The following MAP3K9 variants were observed in gnomAD, a reference collection of about 807,000 sequenced individuals.
MAP3K9 encodes the protein mitogen-activated protein kinase kinase kinase 9.
A neutral mutation model predicts 95.8 loss-of-function variants in MAP3K9; 46 were observed. The ratio of observed to expected loss-of-function variants is 0.48; its 90% CI spans 0.38 to 0.61. The LOEUF is 0.61. MAP3K9 is among the 20% of genes least tolerant of loss of function. The probability of loss-of-function intolerance (pLI) is 0.00; values close to 1 mark genes in which losing one functional copy is unlikely to be tolerated. For synonymous variants in MAP3K9, 533 were observed against 593.8 expected (o/e 0.90, Z 1.49); for missense variants, 1,296 against 1,474.3 (o/e 0.88, Z 1.98).
intron 2 of MAP3K9, among the ~76,000 whole-genome samples, chr14:70,798,338 C>CT (rs1256715054): frequency 4.6e-5 from 7 of 151,928 alleles, no homozygotes; most frequent in Non-Finnish European, 7.4e-5. Context: ...CTTTACAGTA[C>CT]TTTGCCTACT....
intron 2 of MAP3K9, among the ~76,000 whole-genome samples, chr14:70,765,741 A>C (rs1253773691): frequency 2.5e-4 from 14 of 56,942 alleles, no homozygotes; most frequent in African/African-American, 5.9e-4. Context: ...CAGCTAAAAA[A>C]AAAAAAAAAC....
In MAP3K9 at chr14:70,723,223, TGA is replaced by T. The variant is rs1262766841; in HGVS notation, c.*7155_*7156del. On this transcript the variant is annotated 3_prime_UTR_variant, in exon 12 of 12. Transcript: ENST00000554752. ...AATAAGGCTTCCAAGCTCAAGAGAC[TGA>T]GAGAAAAGTGAGGAGAAGCTGGAAT... 6.6e-6 allele frequency: 1 copy of T among 152,074 alleles called. No individual in the cohort carries two copies. The highest frequency in any genetic ancestry group is 1.5e-5 in the Non-Finnish European group (1 of 68,090). 9.4% of individuals were successfully genotyped at this position (152,074 alleles called of 1,614,324 possible).
intron 3 of MAP3K9, among the ~76,000 whole-genome samples, chr14:70,757,944 A>T (rs969671142): frequency 2.0e-5 from 3 of 152,198 alleles, no homozygotes; most frequent in African/African-American, 4.8e-5. Flanking sequence ...AAGATTATAA[A>T]ACTCTTAGAA....
intron 2 of MAP3K9, among the ~76,000 whole-genome samples, chr14:70,761,758 T>C (rs960083998): frequency 6.6e-6 from 1 of 152,224 alleles, no homozygotes. Flanking sequence ...ACCTTTTTTT[T>C]GGGCTGAAAT....
At chr14:70,791,031 C>T (rs1019674387) in intron 2 of MAP3K9, among the ~76,000 whole-genome samples, 1 of 152,130 alleles carries the variant, frequency 6.6e-6, no homozygotes, top group African/African-American at 2.4e-5. Flanking sequence ...ACAGACCACC[C>T]GCAAACTGTG....
intron 8 of MAP3K9, 83 bp downstream of exon 8, chr14:70,738,162 G>A (rs571510238): frequency 6.4e-6 from 9 of 1,398,856 alleles, no homozygotes; most frequent in East Asian, 2.5e-5. Flanking sequence ...ACACGACAGA[G>A]AAAAAAAGTT....
chr14:70,766,429 A>G (rs566284597), intron 2 of MAP3K9, among the ~76,000 whole-genome samples: 2 of 152,354 alleles, frequency 1.3e-5, no homozygotes, highest in East Asian at 3.9e-4. Flanking sequence ...TGGAAACCAT[A>G]GGGTTCAGCG....
intron 2 of MAP3K9, chr14:70,783,158 A>C: frequency 1.9e-6 from 1 of 516,316 alleles, no homozygotes; most frequent in Non-Finnish European, 2.5e-6. Context: ...CTTGTAAGAA[A>C]CCTAAAATTG....
intron 2 of MAP3K9, among the ~76,000 whole-genome samples, chr14:70,793,106 A>T (rs1192372505): frequency 6.6e-6 from 1 of 152,220 alleles, no homozygotes; most frequent in Non-Finnish European, 1.5e-5. Context: ...GAACAAAGGG[A>T]GTACTGAGGT....
intron 3 of MAP3K9, 64 bp from the exon 4 acceptor site, chr14:70,750,145 T>TTA (rs2054204796): frequency 8.4e-7 from 1 of 1,183,550 alleles, no homozygotes; most frequent in Non-Finnish European, 1.2e-6. Flanking sequence ...CTGCAATAGC[T>TTA]CGAGTCTTTT....
At chr14:70,793,287 A>T (rs2054826323) in intron 2 of MAP3K9, among the ~76,000 whole-genome samples, 1 of 152,212 alleles carries the variant, frequency 6.6e-6, no homozygotes, top group South Asian at 2.1e-4. Flanking sequence ...TGGGATTAAT[A>T]ACGAATGTAC....
At chr14:70,744,406 T>TA (rs2054118222) in intron 5 of MAP3K9, among the ~76,000 whole-genome samples, 1 of 152,098 alleles carries the variant, frequency 6.6e-6, no homozygotes, top group Non-Finnish European at 1.5e-5. Flanking sequence ...TAATCCAGCT[T>TA]AAAATGTATC....
At chr14:70,738,420 T>C (rs765778441) in intron 7 of MAP3K9, 22 bp from the exon 8 acceptor site, 24 of 1,611,928 alleles carry the variant, frequency 1.5e-5, no homozygotes, top group Middle Eastern at 1.6e-4. Flanking sequence ...AAGGGTTGGA[T>C]AGGATCTAGA....
rs397840789 is a variant in MAP3K9 at position 70,809,056 on chromosome 14, GCCT to G, written c.113_115del (p.Glu38del). The G allele has an allele frequency of 0.088, 88,759 of 1,007,542 alleles. 3 individuals are homozygous for G. The highest frequency in any genetic ancestry group is 0.22 in the South Asian group (10,645 of 48,400). 62.4% of individuals were successfully genotyped at this position (1,007,542 alleles called of 1,614,324 possible). Reference sequence around the variant, plus strand: ...CTCCCCGGGGCCCACCGCCGCCGCCGCCTCCTCCTCCTCCTCCTCCTCCTCCTC... The same window carrying G: ...CTCCCCGGGGCCCACCGCCGCCGCCGCCTCCTCCTCCTCCTCCTCCTCCTC... On this transcript the variant is annotated inframe_deletion, in exon 1 of 12. Coordinates refer to ENST00000554752, the MANE Select transcript of MAP3K9 (RefSeq NM_001284230.2).
At chr14:70,808,479 T>C (rs1195438981) in intron 1 of MAP3K9, among the ~76,000 whole-genome samples, 1 of 151,854 alleles carries the variant, frequency 6.6e-6, no homozygotes, top group African/African-American at 2.4e-5. Flanking sequence ...AACTGGCAAA[T>C]TCTCAGACTG....
intron 2 of MAP3K9, among the ~76,000 whole-genome samples, chr14:70,778,303 G>A (rs1033863711): frequency 2.1e-5 from 3 of 144,224 alleles, no homozygotes; most frequent in African/African-American, 7.8e-5. Flanking sequence ...TTGAGACGGA[G>A]TCCCCCTTTG....
chr14:70,759,364 C>A (rs915640146), intron 3 of MAP3K9, among the ~76,000 whole-genome samples: 1 of 152,146 alleles, frequency 6.6e-6, no homozygotes, highest in East Asian at 1.9e-4. Flanking sequence ...ATCACTTGAA[C>A]CCGGGAGGCA....
chr14:70,765,328 T>TA, intron 2 of MAP3K9: 21 of 419,152 alleles, frequency 5.0e-5, no homozygotes, highest in Admixed American at 8.3e-5. Context: ...AGACTCCGTC[T>TA]AAAAAAAAGT....
rs1214213891 is a variant in MAP3K9, at chr14:70,732,708, G to C, written c.2661C>G (p.Arg887=). 6.2e-7 allele frequency: 1 copy of C among 1,601,530 alleles called. No homozygotes were observed. Among genetic ancestry groups the C allele is most frequent in the Non-Finnish European group, 8.5e-7 (1 of 1,171,504 alleles). Residue 887 remains arginine, a synonymous_variant, in exon 11 of 12, where the codon CGC becomes CGG. Transcript: ENST00000554752. ...HNPLVNVRVE[R]FKRDPNQSLT... ...GAGATTGGTTAGGATCTCGTTTGAA[G>C]CGCTCTACTCGGACATTGACCAGGG...
Sources: gnomAD v4.1 joint callset for allele counts (sites outside exome capture counted in the v4.1 genomes callset) on GRCh38, gnomAD v4.1.1 for gene constraint, MANE v1.5 for transcripts, NCBI Gene and HGNC (gene_info 2026-07-23, HGNC 2026-07-21) for gene names.